The following CHD2 variants were observed in gnomAD, a reference collection of about 807,000 sequenced individuals.
CHD2 encodes the protein chromodomain helicase DNA binding protein 2.
CHD2 carries 28 observed loss-of-function variants against 243.9 expected under a neutral mutation model. The ratio of observed to expected loss-of-function variants is 0.11; its 90% CI spans 0.09 to 0.16. The LOEUF (loss-of-function observed/expected upper bound fraction) is 0.16. Among genes scored for constraint, CHD2 ranks in the 10% least tolerant of loss-of-function variants. The pLI, the probability that CHD2 is intolerant of heterozygous loss-of-function variation, is 1.00. For synonymous variants in CHD2, 775 were observed against 779.0 expected (o/e 0.99, Z 0.09); for missense variants, 1,386 against 2,209.8 (o/e 0.63, Z 7.47).
intron 2 of CHD2, among the ~76,000 whole-genome samples, chr15:92,911,761 A>G (rs1362565264): frequency 1.3e-5 from 2 of 152,140 alleles, no homozygotes; most frequent in Non-Finnish European, 2.9e-5. Context: ...GAAAAAATCA[A>G]CATCAACAAA....
intron 3 of CHD2, among the ~76,000 whole-genome samples, chr15:92,925,923 T>G (rs1229931042): frequency 6.6e-6 from 1 of 152,204 alleles, no homozygotes; most frequent in Non-Finnish European, 1.5e-5. Context: ...TTGTTGTTGT[T>G]GTTGTTAAAG....
rs533357802 is a variant in CHD2 at position 92,967,079 on chromosome 15, A to G, written c.2001-246A>G. Among the ~76,000 whole-genome samples, 13 of 152,312 alleles carry G rather than the reference A, an allele frequency of 8.5e-5. No homozygotes were observed. In the East Asian group the frequency reaches 9.6e-4, roughly 11 times the overall value. Reference sequence around the variant, plus strand: ...AGTAGTTCTAGATGATGTTGGTTACATGATAGACTGAAGTATTTTATTAAC... The same window carrying G: ...AGTAGTTCTAGATGATGTTGGTTACGTGATAGACTGAAGTATTTTATTAAC... On this transcript the variant is annotated intron_variant, in intron 16 of 38. Coordinates refer to ENST00000394196, the MANE Select transcript of CHD2 (RefSeq NM_001271.4).
At chr15:92,944,195 CCTT>C in intron 9 of CHD2, 1 of 336,928 alleles carries the variant, frequency 3.0e-6, no homozygotes, top group Non-Finnish European at 5.6e-6. Flanking sequence ...ACTGGTATAT[CCTT>C]CTATGAGTGT....
At chr15:92,992,416 G>A (rs1270770566) in intron 27 of CHD2, among the ~76,000 whole-genome samples, 1 of 152,150 alleles carries the variant, frequency 6.6e-6, no homozygotes, top group Non-Finnish European at 1.5e-5. Context: ...CATATGACAT[G>A]GAGATCAACT....
chr15:92,907,729 G>T (rs907822050), intron 2 of CHD2, among the ~76,000 whole-genome samples: 3 of 152,170 alleles, frequency 2.0e-5, no homozygotes, highest in Non-Finnish European at 4.4e-5. Flanking sequence ...GCTTAGCAAA[G>T]AGCCCATCAC....
intron 26 of CHD2, chr15:92,991,270 T>C (rs538038692): frequency 4.4e-5 from 21 of 482,118 alleles, no homozygotes; most frequent in Non-Finnish European, 6.2e-5. Flanking sequence ...ATCTTTAATT[T>C]GAATAGATTT....
intron 3 of CHD2, among the ~76,000 whole-genome samples, chr15:92,925,997 G>C (rs772539266): frequency 1.3e-5 from 2 of 152,090 alleles, no homozygotes; most frequent in South Asian, 4.1e-4. Flanking sequence ...GATGAGACAG[G>C]GTCTTGCTCT....
intron 26 of CHD2, among the ~76,000 whole-genome samples, chr15:92,987,263 A>G (rs2054055427): frequency 1.3e-5 from 2 of 152,164 alleles, no homozygotes; most frequent in Non-Finnish European, 2.9e-5. Flanking sequence ...TGATATTAGT[A>G]TAGCCACTCC....
chr15:92,993,202 T>C, intron 28 of CHD2: 1 of 504,400 alleles, frequency 2.0e-6, no homozygotes, highest in Non-Finnish European at 3.5e-6. Flanking sequence ...GCAGAAGGTG[T>C]AGAGTGAAGA....
chr15:93,004,823 C>T, intron 34 of CHD2, 72 bp downstream of exon 34: 1 of 1,485,352 alleles, frequency 6.7e-7, no homozygotes. Flanking sequence ...TTTTATAGGT[C>T]CAGCCAGAGC....
chr15:92,911,011 A>G (rs1327966182), intron 2 of CHD2, among the ~76,000 whole-genome samples: 2 of 152,188 alleles, frequency 1.3e-5, no homozygotes, highest in Non-Finnish European at 2.9e-5. Flanking sequence ...GTGTATCTAA[A>G]CAGAAAAGGT....
At position 93,019,654 on chromosome 15, in the gene CHD2, C is replaced by A. The variant is rs900451209; in HGVS notation, c.4907-358C>A. Among the ~76,000 whole-genome samples the A allele has an allele frequency of 2.0e-5, 3 of 152,130 alleles. 1 individual carries two copies. The highest frequency in any genetic ancestry group is 4.4e-5 in the Non-Finnish European group (3 of 68,006). ...AAGAAAACAAAAATAAAAAATAAGG[C>A]TGGGCGTGGTGGCTCACAGCTGTAA... On this transcript the variant is annotated intron_variant, in intron 37 of 38. Coordinates refer to ENST00000394196, the MANE Select transcript of CHD2 (RefSeq NM_001271.4).
chr15:92,987,915 C>A (rs1003708652), intron 26 of CHD2, among the ~76,000 whole-genome samples: 1 of 151,692 alleles, frequency 6.6e-6, no homozygotes, highest in African/African-American at 2.4e-5. Context: ...CATCTTAGAA[C>A]AATTTACTTT....
At chr15:92,912,985 C>T (rs1043859685) in intron 2 of CHD2, among the ~76,000 whole-genome samples, 2 of 152,160 alleles carry the variant, frequency 1.3e-5, no homozygotes, top group African/African-American at 2.4e-5. Context: ...TTCTCTTTCC[C>T]TTGCTTAAAA....
intron 2 of CHD2, among the ~76,000 whole-genome samples, chr15:92,913,688 C>T (rs1288536178): frequency 6.6e-6 from 1 of 152,104 alleles, no homozygotes; most frequent in East Asian, 1.9e-4. Flanking sequence ...GCCATTTCTA[C>T]AAAAAATGTA....
chr15:92,985,715 C>A (rs369778948), intron 26 of CHD2, 42 bp downstream of exon 26: 4 of 1,572,970 alleles, frequency 2.5e-6, no homozygotes, highest in Non-Finnish European at 2.6e-6. Flanking sequence ...TTTGAAAGTG[C>A]GTACTGTAAG....
intron 25 of CHD2, 53 bp from the exon 26 acceptor site, chr15:92,985,445 A>C (rs2054030309): frequency 6.5e-7 from 1 of 1,530,042 alleles, no homozygotes; most frequent in Non-Finnish European, 8.8e-7. Flanking sequence ...TAGTCCTTTC[A>C]CCACTTGAAC....
Position 92,985,761 on chromosome 15 carries a change from G to A in CHD2, c.3413+88G>A, listed in dbSNP as rs1391323412. On this transcript the variant is annotated intron_variant, in intron 26 of 38. Transcript: ENST00000394196. ...ACTGGATCCTGGACATCGTGACAGG[G>A]TAGGCAGAGGCTAATACCTACAAAA... is the stretch of plus-strand genomic sequence containing the variant. 3.1e-5 allele frequency: 43 copies of A among 1,376,864 alleles called. No individual in the cohort carries two copies. In the East Asian group the frequency reaches 9.5e-4, roughly 31 times the overall value. 85.3% of individuals were successfully genotyped at this position (1,376,864 alleles called of 1,614,324 possible).
chr15:92,998,739 A>G lies in CHD2; in HGVS notation c.4008+118A>G. The stretch of plus-strand genomic sequence containing the variant: ...CACAGAATGTCACCTTCTCATGGGC[A>G]TATTTTGTTTTTGAGGTTCCAGTAA... On this transcript the variant is annotated intron_variant, in intron 31 of 38. Coordinates refer to ENST00000394196, the MANE Select transcript of CHD2 (RefSeq NM_001271.4). This position sits in a 1 kb window ranked among gnomAD's most constrained non-coding sequence, Gnocchi z 5.1. 1 of 1,311,984 alleles carries G rather than the reference A, an allele frequency of 7.6e-7. No individual in the cohort carries two copies. The highest frequency in any genetic ancestry group is 1.0e-6 in the Non-Finnish European group (1 of 961,218). 81.3% of individuals were successfully genotyped at this position (1,311,984 alleles called of 1,614,324 possible). A position where few individuals can be genotyped will look rare whatever the true frequency, so the allele number is the denominator to read the frequency against.
Sources: gnomAD v4.1 joint callset for allele counts (sites outside exome capture counted in the v4.1 genomes callset) on GRCh38, gnomAD v4.1.1 for gene constraint, Gnocchi (gnomAD v3.1) non-coding constraint, MANE v1.5 for transcripts, NCBI Gene and HGNC (gene_info 2026-07-23, HGNC 2026-07-21) for gene names.